RBMS2: variants seen among roughly 807,000 people sequenced by gnomAD.
RBMS2 encodes RNA-binding motif, single-stranded-interacting protein 2.
A neutral mutation model predicts 58.4 loss-of-function variants in RBMS2; 38 were observed. That is an observed-to-expected ratio of 0.65 (90% CI 0.50 to 0.85). The LOEUF (loss-of-function observed/expected upper bound fraction) is 0.85. RBMS2 is among the 40% of genes least tolerant of loss of function. The pLI is 0.00. For synonymous variants in RBMS2, 151 were observed against 180.7 expected (o/e 0.84, Z 1.32); for missense variants, 367 against 503.7 (o/e 0.73, Z 2.60).
At chr12:56,558,985 C>A (rs1879841919) in intron 1 of RBMS2, among the ~76,000 whole-genome samples, 1 of 152,134 alleles carries the variant, frequency 6.6e-6, no homozygotes, top group Non-Finnish European at 1.5e-5. Flanking sequence ...CCCACCTCAA[C>A]CCCCTGAGCA....
intron 7 of RBMS2, 141 bp from the exon 8 acceptor site, chr12:56,581,691 GA>G (rs927676308): frequency 1.7e-6 from 2 of 1,190,344 alleles, no homozygotes; most frequent in African/African-American, 1.5e-5. Flanking sequence ...TGCACAATTA[GA>G]AAAACTCTGA....
At chr12:56,582,196 C>A in intron 9 of RBMS2, 44 bp downstream of exon 9, 2 of 1,501,422 alleles carry the variant, frequency 1.3e-6, no homozygotes, top group Non-Finnish European at 1.8e-6. Flanking sequence ...TTCCCTACTA[C>A]TGTGCTTTAA....
At chr12:56,539,643 A>G (rs1875701526) in intron 1 of RBMS2, 1 of 446,646 alleles carries the variant, frequency 2.2e-6, no homozygotes, top group Admixed American at 2.4e-5. Flanking sequence ...TATAATAGAC[A>G]GTATTTTTAC....
intron 11 of RBMS2, 159 bp downstream of exon 11, chr12:56,587,823 T>A: frequency 1.3e-6 from 1 of 743,598 alleles, no homozygotes; most frequent in Non-Finnish European, 1.6e-6. Flanking sequence ...TAGTGCTCCA[T>A]GAGCCAGGAA....
chr12:56,534,113 C>CTGTTTT (rs1874308421), intron 1 of RBMS2, among the ~76,000 whole-genome samples: 1 of 152,026 alleles, frequency 6.6e-6, no homozygotes, highest in African/African-American at 2.4e-5. Flanking sequence ...ACATAGTCTT[C>CTGTTTT]TGTTTTTGTT....
intron 1 of RBMS2, among the ~76,000 whole-genome samples, chr12:56,541,208 TA>T (rs1171919190): frequency 6.6e-6 from 1 of 152,152 alleles, no homozygotes; most frequent in Admixed American, 6.6e-5. Flanking sequence ...AAATACTTTT[TA>T]AAAAATTGAG....
rs553564538 is a variant in RBMS2 at position 56,595,270 on chromosome 12, T to C, written c.*6137T>C. 7.1e-4 allele frequency: 108 copies of C among 152,214 alleles called. No homozygotes were observed. The highest frequency in any genetic ancestry group is 1.8e-3 in the African/African-American group (76 of 41,528). The allele number at this position is 152,214 out of a possible 1,614,324, so 9.4% of individuals were successfully genotyped here. A position where few individuals can be genotyped will look rare whatever the true frequency, so the allele number is the denominator to read the frequency against. On this transcript the variant is annotated 3_prime_UTR_variant, in exon 14 of 14. Coordinates refer to ENST00000262031, the MANE Select transcript of RBMS2 (RefSeq NM_002898.4). ...CTACCTTAACATACAGTTTAGGGGG[T>C]TGCACCAAGACAAAGTTTCCAGGCT...
intron 9 of RBMS2, among the ~76,000 whole-genome samples, chr12:56,583,805 C>G (rs960145652): frequency 1.3e-5 from 2 of 152,112 alleles, no homozygotes; most frequent in African/African-American, 4.8e-5. Flanking sequence ...TATGCTTTGT[C>G]CATGTTTCTA....
intron 1 of RBMS2, among the ~76,000 whole-genome samples, chr12:56,548,742 T>A (rs1877709607): frequency 6.6e-6 from 1 of 152,220 alleles, no homozygotes; most frequent in Non-Finnish European, 1.5e-5. Flanking sequence ...TTTTAGGGAT[T>A]TATTAACATG....
In RBMS2 at chr12:56,589,038, G is replaced by GA; in HGVS notation, c.*6+20_*6+21insA. The GA allele has an allele frequency of 6.2e-7, 1 of 1,613,890 alleles. No homozygotes were observed. The highest frequency in any genetic ancestry group is 8.5e-7 in the Non-Finnish European group (1 of 1,179,768). ...CAGTGGGTAAGAACCACATGCTGGG[G>GA]GGCAGGGAGGGCTGCACTGGCAGAC... On this transcript the variant is annotated intron_variant, in intron 13 of 13. Coordinates refer to ENST00000262031, the MANE Select transcript of RBMS2 (RefSeq NM_002898.4).
chr12:56,572,811 C>T (rs1419385601), intron 5 of RBMS2: 1 of 984,972 alleles, frequency 1.0e-6, no homozygotes, highest in Admixed American at 6.2e-5. Flanking sequence ...GACCTGTATT[C>T]CAGAACAATT....
intron 1 of RBMS2, among the ~76,000 whole-genome samples, chr12:56,538,466 CTTTTTTTTTTTTT>C (rs58534515): frequency 9.7e-5 from 7 of 72,500 alleles, no homozygotes; most frequent in African/African-American, 2.1e-4. Context: ...GTACTGATAT[CTTTTTTTTTTTTT>C]TTTTTTTTTT....
intron 1 of RBMS2, among the ~76,000 whole-genome samples, chr12:56,523,385 G>A (rs1358719365): frequency 6.6e-6 from 1 of 152,178 alleles, no homozygotes; most frequent in Non-Finnish European, 1.5e-5. Flanking sequence ...GGACAATTAT[G>A]TGGGATGATT....
chr12:56,544,754 A>ATTTTTTTTTT lies in RBMS2; in HGVS notation c.67-17659_67-17650dup, dbSNP rs537510847. Reference sequence around the variant, plus strand: ...TGCCACCATGCCCAGCTAATTTTTAATTTTTTTTTTTTTCTTTTTTGTAGA... The same window carrying ATTTTTTTTTT: ...TGCCACCATGCCCAGCTAATTTTTAATTTTTTTTTTTTTTTTTTTTTTTCTTTTTTGTAGA... On this transcript the variant is annotated intron_variant, in intron 1 of 13. Transcript: ENST00000262031. Among the ~76,000 whole-genome samples, 151 of 116,054 alleles carry ATTTTTTTTTT rather than the reference A, an allele frequency of 1.3e-3. 1 individual carries two copies. The highest frequency in any genetic ancestry group is 1.6e-3 in the Non-Finnish European group (96 of 58,346). 76.1% of individuals were successfully genotyped at this position (116,054 alleles called of 152,430 possible). A position where few individuals can be genotyped will look rare whatever the true frequency, so the allele number is the denominator to read the frequency against.
rs941208 is a variant in RBMS2, at chr12:56,589,468, C to T, written c.*335C>T. ...CTACCTTGAAGAGACATGGTGGTCG[C>T]AGCTTCTCATCTATATGAAAAAGTT... On this transcript the variant is annotated 3_prime_UTR_variant, in exon 14 of 14. Transcript: ENST00000262031. The T allele has an allele frequency of 0.67, 200,542 of 298,968 alleles. 67,963 individuals are homozygous for T. Among genetic ancestry groups the T allele is most frequent in the Admixed American group, 0.76 (14,151 of 18,726 alleles). The allele number at this position is 298,968 out of a possible 1,614,324, so 18.5% of individuals were successfully genotyped here. A position where few individuals can be genotyped will look rare whatever the true frequency, so the allele number is the denominator to read the frequency against.
chr12:56,588,915 C>T lies in RBMS2; in HGVS notation c.1144-17C>T, dbSNP rs754752101. The T allele has an allele frequency of 1.2e-6, 2 of 1,613,854 alleles. No individual in the cohort carries two copies. The highest frequency in any genetic ancestry group is 1.7e-5 in the Admixed American group (1 of 60,010). On this transcript the variant is annotated splice_polypyrimidine_tract_variant and intron_variant, in intron 12 of 13. Transcript: ENST00000262031. ...AAGGAATGCGCAAGATGACCCCCCT[C>T]CTTGGCTATGGCACAGGAGAGCAGC...
intron 1 of RBMS2, among the ~76,000 whole-genome samples, chr12:56,553,196 C>G (rs1483060822): frequency 6.6e-6 from 1 of 151,792 alleles, no homozygotes; most frequent in Non-Finnish European, 1.5e-5. Flanking sequence ...GGATTACAGG[C>G]GTGAGCCACT....
chr12:56,581,766 C>T (rs963802727), intron 7 of RBMS2, 67 bp from the exon 8 acceptor site: 29 of 1,547,324 alleles, frequency 1.9e-5, no homozygotes, highest in Middle Eastern at 1.7e-4. Flanking sequence ...CAGCCTTGGA[C>T]ATTCTGGGCC....
chr12:56,546,228 C>G (rs1410021742), intron 1 of RBMS2, among the ~76,000 whole-genome samples: 1 of 150,660 alleles, frequency 6.6e-6, no homozygotes, highest in African/African-American at 2.4e-5. Flanking sequence ...CGCCATTCTC[C>G]TGCCTCAGCC....
Sources: gnomAD v4.1 joint callset for allele counts (sites outside exome capture counted in the v4.1 genomes callset) on GRCh38, gnomAD v4.1.1 for gene constraint, MANE v1.5 for transcripts, NCBI Gene and HGNC (gene_info 2026-07-23, HGNC 2026-07-21) for gene names.